The following SLC35D2 variants were observed in gnomAD, a reference collection of about 807,000 sequenced individuals.
The protein encoded by SLC35D2 is solute carrier family 35 member D2, also known as nucleotide sugar transporter SLC35D2.
In SLC35D2, 43 loss-of-function variants were observed where a neutral mutation model predicts 41.8. That is an observed-to-expected ratio of 1.03 (90% CI 0.81 to 1.33). SLC35D2 has a LOEUF of 1.33. SLC35D2 is among the 40% of genes most tolerant of loss of function. The pLI is 0.00. For missense variants in SLC35D2, 380 were observed against 408.4 expected, an observed-to-expected ratio of 0.93 and a Z score of 0.60; for synonymous variants, 150 against 163.9, an observed-to-expected ratio of 0.92 and a Z score of 0.65.
chr9:96,357,427 T>G (rs1205844272), intron 4 of SLC35D2: 1 of 152,124 alleles, frequency 6.6e-6, no homozygotes, highest in East Asian at 1.9e-4. Flanking sequence ...TCCCAGGTAC[T>G]CGAGAGGCTG....
intron 1 of SLC35D2, among the ~76,000 whole-genome samples, chr9:96,372,048 A>G (rs1324042636): frequency 6.6e-6 from 1 of 152,214 alleles, no homozygotes; most frequent in African/African-American, 2.4e-5. Context: ...AATTTCATAC[A>G]TGCATGCTAT....
At chr9:96,352,265 A>G (rs1352986524) in intron 4 of SLC35D2, among the ~76,000 whole-genome samples, 156 bp from the exon 5 acceptor site, 1 of 152,188 alleles carries the variant, frequency 6.6e-6, no homozygotes, top group Non-Finnish European at 1.5e-5. Context: ...AAATAAATGG[A>G]GATTAAATAA....
intron 1 of SLC35D2, among the ~76,000 whole-genome samples, chr9:96,379,820 T>C (rs145811549): frequency 2.2e-4 from 34 of 152,344 alleles, no homozygotes; most frequent in African/African-American, 8.2e-4. Context: ...TATGAGGGTT[T>C]TGGCCTTCCT....
At chr9:96,351,307 G>T in intron 5 of SLC35D2, 136 bp from the exon 6 acceptor site, 1 of 636,770 alleles carries the variant, frequency 1.6e-6, no homozygotes, top group Non-Finnish European at 2.8e-6. Context: ...GCTTGATGCA[G>T]AGAAAGCACT....
intron 2 of SLC35D2, among the ~76,000 whole-genome samples, chr9:96,365,656 A>G (rs917142544): frequency 9.9e-5 from 15 of 152,182 alleles, no homozygotes; most frequent in African/African-American, 3.6e-4. Context: ...AACAAAGAGG[A>G]AAAAAAGTTC....
intron 10 of SLC35D2, among the ~76,000 whole-genome samples, chr9:96,323,323 T>G (rs903136044): frequency 6.6e-6 from 1 of 152,116 alleles, no homozygotes; most frequent in Non-Finnish European, 1.5e-5. Context: ...CATGTGCATG[T>G]GTGTGTATTC....
chr9:96,330,031 G>A (rs72603670), intron 9 of SLC35D2, among the ~76,000 whole-genome samples: 20,504 of 152,268 alleles, frequency 0.13, 1,835 homozygotes, highest in East Asian at 0.29. Flanking sequence ...GAGAACGAGC[G>A]AAGCCTTTGG....
chr9:96,354,955 T>C (rs996755963), intron 4 of SLC35D2, among the ~76,000 whole-genome samples: 1 of 151,394 alleles, frequency 6.6e-6, no homozygotes, highest in Admixed American at 6.6e-5. Flanking sequence ...CCCAGCACTT[T>C]GGGAGGCTGA....
intron 4 of SLC35D2, among the ~76,000 whole-genome samples, chr9:96,352,331 T>A (rs1405499132): frequency 2.0e-5 from 3 of 151,918 alleles, no homozygotes; most frequent in Admixed American, 1.3e-4. Flanking sequence ...TATTTATTTA[T>A]TTTTTTTGGA....
chr9:96,359,592 AG>A (rs1286565741), intron 4 of SLC35D2, among the ~76,000 whole-genome samples: 1 of 152,078 alleles, frequency 6.6e-6, no homozygotes, highest in African/African-American at 2.4e-5. Context: ...TGGGAGGCTG[AG>A]GCAGGAGAAT....
At chr9:96,319,534 C>T (rs1828139673), downstream of SLC35D2, among the ~76,000 whole-genome samples, 1 of 152,030 alleles carries the variant, frequency 6.6e-6, no homozygotes, top group Non-Finnish European at 1.5e-5. Flanking sequence ...GAGACAGGGT[C>T]TCACCATGTC....
intron 2 of SLC35D2, among the ~76,000 whole-genome samples, chr9:96,365,756 G>C (rs1020313348): frequency 1.3e-5 from 2 of 151,868 alleles, no homozygotes; most frequent in Non-Finnish European, 2.9e-5. Flanking sequence ...GAGTACCCTA[G>C]GTATACTGGA....
rs759943749 is a variant in SLC35D2 at position 96,364,435 on chromosome 9, C to T, written c.279+29G>A. On this transcript the variant is annotated intron_variant, in intron 3 of 11. Transcript: ENST00000253270. Reference sequence around the variant, plus strand: ...CAATGTGTATTTTCACATCTTCTATCACAGTCATACATACTTTTCATTACT... The same window carrying T: ...CAATGTGTATTTTCACATCTTCTATTACAGTCATACATACTTTTCATTACT... The T allele has an allele frequency of 7.1e-6, 9 of 1,268,304 alleles. No homozygotes were observed. The South Asian group carries it at 1.1e-4, about 15-fold the overall frequency. The allele number at this position is 1,268,304 out of a possible 1,614,324, so 78.6% of individuals were successfully genotyped here.
intron 6 of SLC35D2, among the ~76,000 whole-genome samples, chr9:96,348,814 A>T (rs1367655589): frequency 6.6e-6 from 1 of 152,328 alleles, no homozygotes; most frequent in East Asian, 1.9e-4. Flanking sequence ...CTGTCCTTAC[A>T]TATGTGAAGC....
At chr9:96,331,213 T>C (rs1162151984) in intron 9 of SLC35D2, among the ~76,000 whole-genome samples, 1 of 152,226 alleles carries the variant, frequency 6.6e-6, no homozygotes, top group East Asian at 1.9e-4. Context: ...TGTAAATTAA[T>C]AGCTTATCTT....
Position 96,345,991 on chromosome 9 carries a change from C to T in SLC35D2, c.489-590G>A, listed in dbSNP as rs776220887. Among the ~76,000 whole-genome samples the T allele has an allele frequency of 5.9e-5, 9 of 152,282 alleles. No individual in the cohort carries two copies. The Middle Eastern group carries it at 0.01, about 173-fold the overall frequency. On this transcript the variant is annotated intron_variant, in intron 6 of 11. Coordinates refer to ENST00000253270, the MANE Select transcript of SLC35D2 (RefSeq NM_007001.3). ...ATTATAAATAGCACCAGCATAAATA[C>T]GTTTGGGGATCTATGACAGGAACAA...
intron 1 of SLC35D2, among the ~76,000 whole-genome samples, chr9:96,374,707 A>G (rs527683923): frequency 1.6e-5 from 2 of 126,182 alleles, no homozygotes; most frequent in Non-Finnish European, 3.4e-5. Flanking sequence ...GCGTGGTGGC[A>G]GGCGCCTGTA....
In SLC35D2 at chr9:96,343,946, G is replaced by T. The variant is rs748680403; in HGVS notation, c.642C>A (p.Ile214=). ...VLFYNACFMI[I]PTLIISVSTG... ...TGGAGACACTAATAATAAGAGTTGG[G>T]ATAATCATGAAGCAGGCATTGTAGA... is the stretch of plus-strand genomic sequence containing the variant. Residue 214 remains isoleucine, a synonymous_variant, in exon 8 of 12, where the codon ATC becomes ATA. Transcript: ENST00000253270. 3 of 1,600,038 alleles carry T rather than the reference G, an allele frequency of 1.9e-6. No homozygotes were observed. In the South Asian group the frequency reaches 3.4e-5, roughly 18 times the overall value.
At chr9:96,370,034 C>T (rs140183974) in intron 1 of SLC35D2, among the ~76,000 whole-genome samples, 236 of 152,312 alleles carry the variant, frequency 1.5e-3, no homozygotes, top group Non-Finnish European at 2.8e-3. Context: ...AGCAACCATT[C>T]CCCAGCTGGG....
Sources: gnomAD v4.1 joint callset for allele counts (sites outside exome capture counted in the v4.1 genomes callset) on GRCh38, gnomAD v4.1.1 for gene constraint, MANE v1.5 for transcripts, NCBI Gene and HGNC (gene_info 2026-07-23, HGNC 2026-07-21) for gene names.